The following MAPK10 variants were observed in gnomAD, a reference collection of about 807,000 sequenced individuals.
MAPK10 encodes the protein mitogen-activated protein kinase 10.
Under a neutral mutation model 59.3 loss-of-function variants are expected in MAPK10, and 25 were observed. That is an observed-to-expected ratio of 0.42 (90% CI 0.31 to 0.59). The LOEUF is 0.59. Ranked by LOEUF, MAPK10 falls within the 20% of genes least tolerant of loss-of-function variation. MAPK10 has a pLI of 0.15. For synonymous variants in MAPK10, 190 were observed against 200.5 expected (o/e 0.95, Z 0.44); for missense variants, 351 against 568.9 (o/e 0.62, Z 3.90).
At chr4:86,467,707 A>T (rs1257486837) in intron 1 of MAPK10, among the ~76,000 whole-genome samples, 1 of 152,146 alleles carries the variant, frequency 6.6e-6, no homozygotes, top group Non-Finnish European at 1.5e-5. Flanking sequence ...TTTAATAGAG[A>T]CAGGGTTTCA....
chr4:86,054,833 C>A (rs903461110), intron 11 of MAPK10, among the ~76,000 whole-genome samples: 1 of 152,028 alleles, frequency 6.6e-6, no homozygotes, highest in Admixed American at 6.6e-5. Flanking sequence ...ATGACACATG[C>A]GGCAATAATA....
chr4:86,573,919 T>C (rs1761659971), intron 1 of MAPK10, among the ~76,000 whole-genome samples: 1 of 152,200 alleles, frequency 6.6e-6, no homozygotes. Context: ...TAAATTATCA[T>C]TATACTTTAA....
chr4:86,483,264 A>T (rs931718482), intron 1 of MAPK10, among the ~76,000 whole-genome samples: 2 of 152,178 alleles, frequency 1.3e-5, no homozygotes, highest in African/African-American at 2.4e-5. Context: ...GATTCTTCTC[A>T]GCTTGAATTA....
At chr4:86,156,146 C>T (rs114267580) in intron 4 of MAPK10, among the ~76,000 whole-genome samples, 1,544 of 152,128 alleles carry the variant, frequency 0.01, 10 homozygotes, top group Middle Eastern at 0.02. Flanking sequence ...ACCACAAATA[C>T]GGGTACGTAT....
intron 1 of MAPK10, among the ~76,000 whole-genome samples, chr4:86,387,592 C>T (rs1408041616): frequency 1.3e-5 from 2 of 152,188 alleles, no homozygotes; most frequent in Non-Finnish European, 2.9e-5. Flanking sequence ...GACGCTGCCT[C>T]ACCGCACCTC....
intron 1 of MAPK10, among the ~76,000 whole-genome samples, chr4:86,424,254 A>C (rs768791847): frequency 1.3e-5 from 2 of 151,900 alleles, no homozygotes; most frequent in Non-Finnish European, 2.9e-5. Context: ...CCAGTGGCGC[A>C]ATCTCGAACA....
In MAPK10 at chr4:86,315,807, T is replaced by C. The variant is rs114039260; in HGVS notation, c.-7+38723A>G. The stretch of plus-strand genomic sequence containing the variant: ...ACACAGACATATCAAGCAAGAAAAA[T>C]TAGGTATACAGAAGTCACTCAACTT... On this transcript the variant is annotated intron_variant, in intron 2 of 13. Coordinates refer to ENST00000641462, the MANE Select transcript of MAPK10 (RefSeq NM_138982.4). 9.5e-3 allele frequency among the ~76,000 whole-genome samples: 1,451 copies of C among 152,172 alleles called. 15 individuals carry two copies. The highest frequency in any genetic ancestry group is 0.013 in the Non-Finnish European group (893 of 67,956).
chr4:86,035,024 A>T (rs981684763), intron 11 of MAPK10, among the ~76,000 whole-genome samples: 4 of 152,244 alleles, frequency 2.6e-5, no homozygotes, highest in Middle Eastern at 6.8e-3. Context: ...AAGTGACAAG[A>T]TATAAGAGCT....
rs1742991583 is a variant in MAPK10 at position 86,015,507 on chromosome 4, A to G, written c.*1721T>C. 6.6e-6 allele frequency: 1 copy of G among 152,210 alleles called. No individual in the cohort carries two copies. The highest frequency in any genetic ancestry group is 2.4e-5 in the African/African-American group (1 of 41,454). 9.4% of individuals were successfully genotyped at this position (152,210 alleles called of 1,614,324 possible). A position where few individuals can be genotyped will look rare whatever the true frequency, so the allele number is the denominator to read the frequency against. On this transcript the variant is annotated 3_prime_UTR_variant, in exon 14 of 14. Coordinates refer to ENST00000641462, the MANE Select transcript of MAPK10 (RefSeq NM_138982.4). ...GTCAGAGTGCAAATAACTGTGATGG[A>G]TACTTCGAAGTGAATAAGAAGGGAA...
intron 1 of MAPK10, among the ~76,000 whole-genome samples, chr4:86,419,931 TC>T (rs1312857627): frequency 6.6e-6 from 1 of 152,224 alleles, no homozygotes; most frequent in South Asian, 2.1e-4. Context: ...TCATTGTAGC[TC>T]CTGTATCTCC....
chr4:86,130,701 A>T (rs1020745572), intron 4 of MAPK10, among the ~76,000 whole-genome samples: 1 of 152,166 alleles, frequency 6.6e-6, no homozygotes, highest in Non-Finnish European at 1.5e-5. Context: ...TTCATTTCTG[A>T]TAGACTTTAG....
chr4:86,580,000 T>C (rs1762154878), intron 1 of MAPK10, among the ~76,000 whole-genome samples: 1 of 151,886 alleles, frequency 6.6e-6, no homozygotes, highest in Non-Finnish European at 1.5e-5. Flanking sequence ...TTTTTGTAGA[T>C]AGAGGTCTTG....
intron 2 of MAPK10, among the ~76,000 whole-genome samples, chr4:86,351,519 T>G (rs1463869786): frequency 6.6e-6 from 1 of 152,066 alleles, no homozygotes; most frequent in African/African-American, 2.4e-5. Flanking sequence ...ACCACATTCA[T>G]TACCAAGTCC....
chr4:86,227,833 C>A (rs2090917276), intron 2 of MAPK10, among the ~76,000 whole-genome samples: 1 of 152,176 alleles, frequency 6.6e-6, no homozygotes, highest in African/African-American at 2.4e-5. Flanking sequence ...CCCTGAATTA[C>A]TTATGATGTC....
chr4:86,308,222 G>A (rs1425418026), intron 2 of MAPK10, among the ~76,000 whole-genome samples: 2 of 152,140 alleles, frequency 1.3e-5, no homozygotes, highest in Non-Finnish European at 2.9e-5. Flanking sequence ...AGTAGGTGCT[G>A]AGACTCCTCT....
At chr4:86,068,599 G>A (rs529942745) in intron 9 of MAPK10, among the ~76,000 whole-genome samples, 5 of 152,138 alleles carry the variant, frequency 3.3e-5, no homozygotes, top group African/African-American at 1.2e-4. Context: ...TGATATCACT[G>A]AATATTGTTT....
intron 4 of MAPK10, among the ~76,000 whole-genome samples, chr4:86,143,855 A>G (rs2064200254): frequency 6.6e-6 from 1 of 152,234 alleles, no homozygotes; most frequent in South Asian, 2.1e-4. Context: ...TCAATTCTCC[A>G]GACATATATT....
chr4:86,193,907 G>A (rs1044109730), intron 3 of MAPK10: 14 of 170,370 alleles, frequency 8.2e-5, no homozygotes, highest in South Asian at 1.4e-4. Context: ...GGAACCTGCA[G>A]GTTGCGAAGA....
chr4:86,280,763 T>TA (rs1004241578), intron 2 of MAPK10, among the ~76,000 whole-genome samples: 5 of 151,548 alleles, frequency 3.3e-5, no homozygotes, highest in African/African-American at 4.8e-5. Context: ...TATGAAGCCA[T>TA]AAAAAAAAGA....
Sources: allele counts gnomAD v4.1 joint callset (sites outside exome capture counted in the v4.1 genomes callset), GRCh38; gene constraint gnomAD v4.1.1; transcripts MANE v1.5; gene names NCBI Gene and HGNC (gene_info 2026-07-23, HGNC 2026-07-21).